KMT2C: variants seen among roughly 807,000 people sequenced by gnomAD.
KMT2C encodes histone-lysine N-methyltransferase 2C.
KMT2C carries 88 observed loss-of-function variants against 507.9 expected under a neutral mutation model. The observed-to-expected ratio is 0.17, with a 90% confidence interval of 0.15 to 0.21. KMT2C has a LOEUF of 0.21. KMT2C is among the 10% of genes least tolerant of loss of function. The pLI, the probability that KMT2C is intolerant of heterozygous loss-of-function variation, is 1.00. For synonymous variants in KMT2C, 2,049 were observed against 2,080.8 expected, an observed-to-expected ratio of 0.98 and a Z score of 0.42; for missense variants, 4,954 against 5,957.8, an observed-to-expected ratio of 0.83 and a Z score of 5.55.
At chr7:152,344,576 G>A (rs1050005358) in intron 2 of KMT2C, among the ~76,000 whole-genome samples, 2 of 151,986 alleles carry the variant, frequency 1.3e-5, no homozygotes, top group Non-Finnish European at 2.9e-5. Flanking sequence ...TTAGAAAGTA[G>A]ACTTGGGTTT....
At chr7:152,354,105 T>C (rs7781309) in intron 2 of KMT2C, among the ~76,000 whole-genome samples, 50,509 of 152,046 alleles carry the variant, frequency 0.33, 12,448 homozygotes, top group African/African-American at 0.7. Context: ...AAGACTAATA[T>C]ACACTTGGCT....
intron 52 of KMT2C, 63 bp downstream of exon 52, chr7:152,147,970 T>C (rs2091305800): frequency 2.1e-6 from 3 of 1,460,970 alleles, no homozygotes; most frequent in Non-Finnish European, 2.7e-6. Flanking sequence ...ATTGACAAAA[T>C]ACATTCATTA....
intron 23 of KMT2C, among the ~76,000 whole-genome samples, chr7:152,216,758 C>A (rs926689147): frequency 6.6e-6 from 1 of 152,148 alleles, no homozygotes; most frequent in Non-Finnish European, 1.5e-5. Flanking sequence ...CCAACACAGG[C>A]ATAATTTCTT....
intron 6 of KMT2C, among the ~76,000 whole-genome samples, chr7:152,274,247 G>A (rs1391370238): frequency 6.6e-6 from 1 of 151,742 alleles, no homozygotes. Flanking sequence ...ACTAGTAATA[G>A]GAACATATAT....
intron 23 of KMT2C, among the ~76,000 whole-genome samples, chr7:152,208,456 T>C (rs936189933): frequency 6.6e-6 from 1 of 152,262 alleles, no homozygotes; most frequent in African/African-American, 2.4e-5. Context: ...TTCTTTAAAA[T>C]CTGTGTCCCT....
chr7:152,259,564 G>C (rs2129170771), intron 9 of KMT2C, among the ~76,000 whole-genome samples: 1 of 151,416 alleles, frequency 6.6e-6, no homozygotes, highest in South Asian at 2.1e-4. Context: ...ATGCGACATG[G>C]GTATTATTTT....
At chr7:152,238,888 A>T in intron 14 of KMT2C, 62 bp from the exon 15 acceptor site, 2 of 1,464,560 alleles carry the variant, frequency 1.4e-6, no homozygotes, top group Non-Finnish European at 9.2e-7. Context: ...GGTCAAAGCC[A>T]GCAACTAAGG....
chr7:152,408,549 C>T (rs1388419682), intron 1 of KMT2C, among the ~76,000 whole-genome samples: 1 of 152,206 alleles, frequency 6.6e-6, no homozygotes, highest in African/African-American at 2.4e-5. Context: ...TGAGCTCGGC[C>T]TCCTCTAGAT....
chr7:152,390,612 T>C (rs995405332), intron 1 of KMT2C, among the ~76,000 whole-genome samples: 3 of 152,240 alleles, frequency 2.0e-5, no homozygotes, highest in African/African-American at 7.2e-5. Context: ...TTAATTAGTA[T>C]GTCCCCTATT....
intron 7 of KMT2C, among the ~76,000 whole-genome samples, chr7:152,269,967 A>G (rs4618614): frequency 0.14 from 20,790 of 152,216 alleles, 3,723 homozygotes; most frequent in African/African-American, 0.41. Flanking sequence ...TGAAACTATT[A>G]CTTAAGAAAA....
At chr7:152,232,655 A>C (rs2095155722) in intron 16 of KMT2C, among the ~76,000 whole-genome samples, 1 of 152,146 alleles carries the variant, frequency 6.6e-6, no homozygotes, top group South Asian at 2.1e-4. Context: ...ATAATGCTTT[A>C]ATTTTTTTTA....
intron 3 of KMT2C, among the ~76,000 whole-genome samples, chr7:152,325,359 G>C (rs1484385516): frequency 6.6e-6 from 1 of 152,010 alleles, no homozygotes; most frequent in Non-Finnish European, 1.5e-5. Context: ...ATGTTGGCCA[G>C]GCTGGTCCCA....
chr7:152,177,333 A>G lies in KMT2C; in HGVS notation c.8120T>C (p.Val2707Ala). ...TTCATCATCTAAGTCTTTGACTTCA[A>G]CCCCCTCAAGGTCTTTAACATCCAG... ...KELDVKDLEG[V>A]EVKDLDDEDL... The change falls in exon 38 of 59, where the codon GTT (valine) becomes GCT (alanine). Residue 2707 changes from valine (V) to alanine (A), a missense_variant. Physicochemically the swap from Val to Ala is moderately conservative, Grantham distance 64. Coordinates refer to ENST00000262189, the MANE Select transcript of KMT2C (RefSeq NM_170606.3). The G allele has an allele frequency of 6.2e-7, 1 of 1,614,122 alleles. No individual in the cohort carries two copies. Among genetic ancestry groups the G allele is most frequent in the Admixed American group, 1.7e-5 (1 of 60,018 alleles).
chr7:152,226,218 C>CATTTTTTTTTTTTTTT (rs1563479395), intron 18 of KMT2C, among the ~76,000 whole-genome samples: 1 of 128,024 alleles, frequency 7.8e-6, no homozygotes, highest in African/African-American at 3.2e-5. Flanking sequence ...CATTACAAGG[C>CATTTTTTTTTTTTTTT]CTTTTTTTTT....
chr7:152,362,100 T>C (rs2097201983), intron 1 of KMT2C, among the ~76,000 whole-genome samples: 2 of 152,230 alleles, frequency 1.3e-5, no homozygotes, highest in East Asian at 1.9e-4. Context: ...GTATTACACA[T>C]ACAACATCCA....
At chr7:152,401,588 G>A (rs987105858) in intron 1 of KMT2C, among the ~76,000 whole-genome samples, 20 of 152,254 alleles carry the variant, frequency 1.3e-4, no homozygotes, top group African/African-American at 3.4e-4. Context: ...CTACTTGGAA[G>A]GCTGAGGTAG....
chr7:152,430,735 G>A (rs1004415906), intron 1 of KMT2C, among the ~76,000 whole-genome samples: 3 of 152,144 alleles, frequency 2.0e-5, no homozygotes, highest in African/African-American at 7.2e-5. Flanking sequence ...TTGTTGCCCA[G>A]GCTGGTCTCA....
chr7:152,194,175 G>GTCC (rs1177028577), intron 30 of KMT2C, 47 bp from the exon 31 acceptor site: 9 of 1,565,386 alleles, frequency 5.7e-6, no homozygotes, highest in Non-Finnish European at 7.7e-6. Context: ...GACTAGTAGG[G>GTCC]TCCTGGTATG....
In KMT2C at chr7:152,188,169, G is replaced by T. The variant is rs1259532863; in HGVS notation, c.4661-322C>A. Among the ~76,000 whole-genome samples, 3 of 152,162 alleles carry T rather than the reference G, an allele frequency of 2.0e-5. No homozygotes were observed. The East Asian group carries it at 5.8e-4, about 29-fold the overall frequency. ...TCAAAACCTTTAATGCAATTTAAAA[G>T]TAGGATTTTTTTCAGTATTTTATAA... On this transcript the variant is annotated intron_variant, in intron 31 of 58. Coordinates refer to ENST00000262189, the MANE Select transcript of KMT2C (RefSeq NM_170606.3).
Sources: allele counts gnomAD v4.1 joint callset (sites outside exome capture counted in the v4.1 genomes callset), GRCh38; gene constraint gnomAD v4.1.1; transcripts MANE v1.5; gene names NCBI Gene and HGNC (gene_info 2026-07-23, HGNC 2026-07-21).